PHKA1: variants seen among roughly 807,000 people sequenced by gnomAD.
PHKA1 encodes the protein phosphorylase kinase regulatory subunit alpha 1.
A neutral mutation model predicts 110.2 loss-of-function variants in PHKA1; 60 were observed. The observed-to-expected ratio is 0.54, with a 90% CI of 0.44 to 0.68. PHKA1 has a LOEUF of 0.68. Ranked by LOEUF, PHKA1 falls within the 30% of genes least tolerant of loss-of-function variation. The pLI is 0.00. For synonymous variants in PHKA1, 316 were observed against 333.6 expected, an observed-to-expected ratio of 0.95 and a Z score of 0.58; for missense variants, 801 against 942.5, an observed-to-expected ratio of 0.85 and a Z score of 1.97.
chrX:72,593,800 T>C (rs1196994047), intron 28 of PHKA1, among the ~76,000 whole-genome samples: 1 of 112,611 alleles, frequency 8.9e-6, no homozygotes, highest in East Asian at 2.8e-4. Context: ...GAAAGCAATC[T>C]GGTGATACAT....
At chrX:72,675,249 T>C (rs947434599) in intron 6 of PHKA1, among the ~76,000 whole-genome samples, 9 of 108,721 alleles carry the variant, frequency 8.3e-5, no homozygotes, top group Non-Finnish European at 1.7e-4. Context: ...ATAAATAAAA[T>C]AAAAAAATGG....
intron 13 of PHKA1, among the ~76,000 whole-genome samples, chrX:72,645,185 T>C (rs1320589194): frequency 4.5e-5 from 5 of 111,702 alleles, no homozygotes; most frequent in African/African-American, 1.6e-4. Flanking sequence ...GATTCTTTTT[T>C]CACTTTCGCT....
At chrX:72,640,197 A>G (rs1202882679) in intron 14 of PHKA1, among the ~76,000 whole-genome samples, 1 of 111,952 alleles carries the variant, frequency 8.9e-6, no homozygotes, top group African/African-American at 3.2e-5. Context: ...TAAAACTTCT[A>G]TACATGAAAA....
intron 4 of PHKA1, among the ~76,000 whole-genome samples, chrX:72,694,720 T>C (rs1333911277): frequency 1.8e-5 from 2 of 112,104 alleles, no homozygotes; most frequent in Non-Finnish European, 3.8e-5. Context: ...AATGAATGGC[T>C]ATGTCTCCTA....
At chrX:72,622,815 A>T (rs1466766168) in intron 18 of PHKA1, 28 of 751,478 alleles carry the variant, frequency 3.7e-5, no homozygotes, top group Non-Finnish European at 4.4e-5. Flanking sequence ...TCTCTCACTC[A>T]CCACTGCTTC....
chrX:72,644,257 A>C (rs1221605228), intron 14 of PHKA1, 105 bp downstream of exon 14: 1 of 899,869 alleles, frequency 1.1e-6, no homozygotes. Context: ...TCCTTCTCAG[A>C]TCCAGCTTAA....
chrX:72,626,288 T>C (rs1363232788), intron 17 of PHKA1, among the ~76,000 whole-genome samples: 1 of 110,280 alleles, frequency 9.1e-6, no homozygotes, highest in Non-Finnish European at 1.9e-5. Context: ...GGGTGTTCAG[T>C]AGTATTCTTG....
intron 6 of PHKA1, among the ~76,000 whole-genome samples, chrX:72,674,675 CTT>C (rs2053754832): frequency 8.9e-6 from 1 of 111,791 alleles, no homozygotes; most frequent in African/African-American, 3.3e-5. Flanking sequence ...AAGGGTTCCA[CTT>C]TGAGGAATTT....
intron 16 of PHKA1, among the ~76,000 whole-genome samples, chrX:72,627,379 A>T (rs1306126239): frequency 8.9e-6 from 1 of 112,455 alleles, no homozygotes; most frequent in Non-Finnish European, 1.9e-5. Context: ...CTACTTGTTG[A>T]ATGTTATGTG....
At chrX:72,641,497 TA>T (rs1180453736) in intron 14 of PHKA1, among the ~76,000 whole-genome samples, 3 of 111,938 alleles carry the variant, frequency 2.7e-5, no homozygotes, top group Non-Finnish European at 3.8e-5. Flanking sequence ...AGATAACTAT[TA>T]AAATGTATCT....
chrX:72,688,444 G>T (rs148497328), intron 4 of PHKA1, among the ~76,000 whole-genome samples: 37 of 112,381 alleles, frequency 3.3e-4, no homozygotes, highest in Non-Finnish European at 3.2e-4. Context: ...GACAGAGAAG[G>T]CAAAAGTATG....
intron 4 of PHKA1, among the ~76,000 whole-genome samples, chrX:72,689,417 T>C (rs1556320073): frequency 8.9e-6 from 1 of 111,848 alleles, no homozygotes; most frequent in East Asian, 2.8e-4. Context: ...AATGGAATCA[T>C]ACAATATGTG....
chrX:72,621,226 T>C (rs958214964), intron 18 of PHKA1, among the ~76,000 whole-genome samples: 60 of 111,632 alleles, frequency 5.4e-4, no homozygotes, highest in African/African-American at 2.0e-3. Flanking sequence ...CATGTGATAG[T>C]AATGGTGGCA....
At chrX:72,644,802 A>T (rs868908781) in intron 13 of PHKA1, among the ~76,000 whole-genome samples, 31 of 111,549 alleles carry the variant, frequency 2.8e-4, no homozygotes, top group African/African-American at 9.4e-4. Flanking sequence ...AGAAAAATCC[A>T]TCATGAGATT....
chrX:72,670,276 C>G (rs2147785561), intron 6 of PHKA1, among the ~76,000 whole-genome samples: 1 of 111,257 alleles, frequency 9.0e-6, no homozygotes, highest in East Asian at 2.8e-4. Context: ...TGGATATTAG[C>G]CCTTTGTCAG....
intron 28 of PHKA1, among the ~76,000 whole-genome samples, chrX:72,597,934 TG>T (rs782554290): frequency 7.6e-4 from 85 of 111,516 alleles, no homozygotes; most frequent in African/African-American, 2.6e-3. Flanking sequence ...TAAATCTTTG[TG>T]ACCTTGGGTT....
Position 72,682,366 on chromosome X carries a change from C to T in PHKA1, c.537+2132G>A, listed in dbSNP as rs1254696958. ...GGGGTCAGCCCCCTGCCCGGCCAGC[C>T]GCCCCGTCCGGGAGGTGAGGGGCGC... On this transcript the variant is annotated intron_variant, in intron 5 of 31. Coordinates refer to ENST00000373542, the MANE Select transcript of PHKA1 (RefSeq NM_002637.4). Among the ~76,000 whole-genome samples, 88 of 110,567 alleles carry T rather than the reference C, an allele frequency of 8.0e-4. 1 individual carries two copies. Among genetic ancestry groups the T allele is most frequent in the African/African-American group, 2.7e-3 (82 of 30,017 alleles).
chrX:72,620,968 C>T (rs1603257317), intron 18 of PHKA1, 67 bp from the exon 19 acceptor site: 2 of 1,103,786 alleles, frequency 1.8e-6, no homozygotes, highest in African/African-American at 1.8e-5. Flanking sequence ...TTACAATCTA[C>T]CCCAGCAAAG....
chrX:72,630,044 T>C (rs2053141103), intron 16 of PHKA1, among the ~76,000 whole-genome samples: 1 of 111,595 alleles, frequency 9.0e-6, no homozygotes, highest in Non-Finnish European at 1.9e-5. Context: ...TGGAAGGAGT[T>C]CGGGACCAGC....
Sources: gnomAD v4.1 joint callset for allele counts (sites outside exome capture counted in the v4.1 genomes callset) on GRCh38, gnomAD v4.1.1 for gene constraint, MANE v1.5 for transcripts, NCBI Gene and HGNC (gene_info 2026-07-23, HGNC 2026-07-21) for gene names.